The following DNAJC5G variants were observed in gnomAD, a reference collection of about 807,000 sequenced individuals.
The protein encoded by DNAJC5G is dnaJ homolog subfamily C member 5G.
Under a neutral mutation model 19.1 loss-of-function variants are expected in DNAJC5G, and 13 were observed. The observed-to-expected ratio is 0.68, with a 90% CI of 0.44 to 1.08. The LOEUF is 1.08. Among genes scored for constraint, DNAJC5G ranks in the 50% least tolerant of loss-of-function variants. The pLI is 0.00. For missense variants in DNAJC5G, 245 were observed against 230.4 expected, an observed-to-expected ratio of 1.06 and a Z score of -0.41; for synonymous variants, 81 against 84.4, an observed-to-expected ratio of 0.96 and a Z score of 0.22.
intron 5 of DNAJC5G, among the ~76,000 whole-genome samples, chr2:27,278,649 A>G (rs1350264639): frequency 7.2e-6 from 1 of 139,364 alleles, no homozygotes; most frequent in Non-Finnish European, 1.5e-5. Context: ...GCGCCACTGC[A>G]CTCCAGCCTG....
chr2:27,280,373 A>G, intron 6 of DNAJC5G, 56 bp from the exon 7 acceptor site: 1 of 731,732 alleles, frequency 1.4e-6, no homozygotes, highest in Non-Finnish European at 2.3e-6. Flanking sequence ...GTTTGCTTTA[A>G]GTTCTAGGTA....
At chr2:27,277,682 C>T in intron 3 of DNAJC5G, 72 bp from the exon 4 acceptor site, 2 of 1,572,518 alleles carry the variant, frequency 1.3e-6, no homozygotes, top group South Asian at 1.2e-5. Context: ...TCCTTTGTAC[C>T]ACATCTCATG....
chr2:27,275,459 G>A lies in DNAJC5G; in HGVS notation c.-380G>A, dbSNP rs1374847222. ...CCCAGACCCTCAGCGTCGACGCTGC[G>A]CACAAGCGCAGTCAACTGCTGGACC... On this transcript the variant is annotated 5_prime_UTR_variant, in exon 1 of 7. Coordinates refer to ENST00000296097, the MANE Select transcript of DNAJC5G (RefSeq NM_173650.3). 3 of 347,720 alleles carry A rather than the reference G, an allele frequency of 8.6e-6. No individual in the cohort carries two copies. Among genetic ancestry groups the A allele is most frequent in the Non-Finnish European group, 5.7e-6 (1 of 175,724 alleles). 21.5% of individuals were successfully genotyped at this position (347,720 alleles called of 1,614,324 possible).
chr2:27,279,282 T>C (rs910711564), intron 5 of DNAJC5G, among the ~76,000 whole-genome samples: 10 of 151,312 alleles, frequency 6.6e-5, no homozygotes, highest in Admixed American at 5.3e-4. Flanking sequence ...GCAATTTTTG[T>C]TGTTGTTGTT....
At chr2:27,276,918 T>G in intron 3 of DNAJC5G, 77 bp downstream of exon 3, 2 of 969,202 alleles carry the variant, frequency 2.1e-6, no homozygotes, top group Non-Finnish European at 1.5e-6. Flanking sequence ...TTTTGCTATC[T>G]GACTCTTTTT....
rs1310763988 is a variant in DNAJC5G, at chr2:27,276,920, ACT to A, written c.113+82_113+83del. ...CTTTCTGTATCTCTTTTGCTATCTG[ACT>A]CTTTTTTTTTTTTTTTTTTTTTGAG... On this transcript the variant is annotated intron_variant, in intron 3 of 6. Coordinates refer to ENST00000296097, the MANE Select transcript of DNAJC5G (RefSeq NM_173650.3). The A allele has an allele frequency of 2.3e-4, 177 of 783,716 alleles. No individual in the cohort carries two copies. The East Asian group carries it at 5.4e-3, about 24-fold the overall frequency. 48.5% of individuals were successfully genotyped at this position (783,716 alleles called of 1,614,324 possible). A position where few individuals can be genotyped will look rare whatever the true frequency, so the allele number is the denominator to read the frequency against.
rs1178021045 is a variant in DNAJC5G, at chr2:27,275,513, G to C, written c.-326G>C. 6.1e-6 allele frequency: 2 copies of C among 330,232 alleles called. No homozygotes were observed. Among genetic ancestry groups the C allele is most frequent in the Non-Finnish European group, 1.2e-5 (2 of 167,958 alleles). The allele number at this position is 330,232 out of a possible 1,614,324, so 20.5% of individuals were successfully genotyped here. A position where few individuals can be genotyped will look rare whatever the true frequency, so the allele number is the denominator to read the frequency against. ...CCGGTGTGAAGTTTCACACCCAAAAGGATGAAGGGCACCCACCTGGCTTAA... is the reference window on the plus strand; with the variant it reads ...CCGGTGTGAAGTTTCACACCCAAAACGATGAAGGGCACCCACCTGGCTTAA... On this transcript the variant is annotated 5_prime_UTR_variant, in exon 1 of 7. Coordinates refer to ENST00000296097, the MANE Select transcript of DNAJC5G (RefSeq NM_173650.3).
Position 27,277,805 on chromosome 2 carries a change from A to G in DNAJC5G, c.165A>G (p.Lys55=), listed in dbSNP as rs1156542964. The change falls in exon 4 of 7, where the codon AAA becomes AAG. Residue 55 remains lysine, a synonymous_variant. Coordinates refer to ENST00000296097, the MANE Select transcript of DNAJC5G (RefSeq NM_173650.3). ...CTTTTGAGTATCACCTGGGTAGGAA[A>G]CTGGCCTTGCGGTATCATCCCGACA... ...HPPFEYHLGR[K]LALRYHPDKN... is the part of the protein sequence containing the mutation. 3 of 1,613,984 alleles carry G rather than the reference A, an allele frequency of 1.9e-6. No homozygotes were observed. The highest frequency in any genetic ancestry group is 2.5e-6 in the Non-Finnish European group (3 of 1,180,034).
In DNAJC5G at chr2:27,277,929, C is replaced by A. The variant is rs551535393; in HGVS notation, c.289C>A (p.His97Asn). 8.8e-5 allele frequency: 142 copies of A among 1,614,094 alleles called. No individual in the cohort carries two copies. Among genetic ancestry groups the A allele is most frequent in the Non-Finnish European group, 1.2e-4 (139 of 1,180,062 alleles). The change falls in exon 4 of 7, where the codon CAT becomes AAT. Residue 97 changes from histidine (H) to asparagine (N), a missense_variant. Transcript: ENST00000296097. ...TAAGAAGCGGAAAATTTACGACCAGCATGGCTCATTGGGAATATATCTGTA... is the reference window on the plus strand; with the variant it reads ...TAAGAAGCGGAAAATTTACGACCAGAATGGCTCATTGGGAATATATCTGTA... ...DSKKRKIYDQ[H>N]GSLGIYLYDH...
At position 27,281,271 on chromosome 2, in the gene DNAJC5G, CTT is replaced by C. The variant is rs1027899280; in HGVS notation, c.*864_*865del. The C allele has an allele frequency of 2.5e-4, 38 of 152,466 alleles. No individual in the cohort carries two copies. The highest frequency in any genetic ancestry group is 8.2e-4 in the African/African-American group (34 of 41,572). 9.4% of individuals were successfully genotyped at this position (152,466 alleles called of 1,614,324 possible). A position where few individuals can be genotyped will look rare whatever the true frequency, so the allele number is the denominator to read the frequency against. On this transcript the variant is annotated 3_prime_UTR_variant, in exon 7 of 7. Coordinates refer to ENST00000296097, the MANE Select transcript of DNAJC5G (RefSeq NM_173650.3). The stretch of plus-strand genomic sequence containing the variant: ...TGGAAAAGATTGTACTTTCTGGACT[CTT>C]TTCCCACTCTTGCCTCTTTGTGCTG...
At chr2:27,279,613 A>G (rs1243533347) in intron 5 of DNAJC5G, among the ~76,000 whole-genome samples, 2 of 151,884 alleles carry the variant, frequency 1.3e-5, no homozygotes, top group Non-Finnish European at 2.9e-5. Context: ...AATTTTTTCC[A>G]TCTACTCAAA....
In DNAJC5G at chr2:27,280,506, G is replaced by T; in HGVS notation, c.*96G>T. 2.9e-6 allele frequency: 1 copy of T among 341,196 alleles called. No homozygotes were observed. 21.1% of individuals were successfully genotyped at this position (341,196 alleles called of 1,614,324 possible). A position where few individuals can be genotyped will look rare whatever the true frequency, so the allele number is the denominator to read the frequency against. On this transcript the variant is annotated 3_prime_UTR_variant, in exon 7 of 7. Coordinates refer to ENST00000296097, the MANE Select transcript of DNAJC5G (RefSeq NM_173650.3). ...AGAGAGGAGCAAGTAGCCCTGTCCT[G>T]ACATTGACCCTGATTTGACCCCTCT...
At chr2:27,279,748 CAAAAAAA>C (rs936898268) in intron 5 of DNAJC5G, among the ~76,000 whole-genome samples, 7 of 68,866 alleles carry the variant, frequency 1.0e-4, no homozygotes, top group African/African-American at 3.4e-4. Context: ...CCAGTATCTA[CAAAAAAA>C]AAAAAAAAAA....
chr2:27,276,654 T>G, intron 2 of DNAJC5G, 72 bp from the exon 3 acceptor site: 1 of 1,380,348 alleles, frequency 7.2e-7, no homozygotes, highest in Non-Finnish European at 1.0e-6. Context: ...GAGTTTCCTG[T>G]CACTGGAAGT....
chr2:27,277,336 C>T (rs1678144728), intron 3 of DNAJC5G, among the ~76,000 whole-genome samples: 1 of 152,070 alleles, frequency 6.6e-6, no homozygotes, highest in South Asian at 2.1e-4. Flanking sequence ...AGTCTCGGCT[C>T]ACTGCAACCT....
intron 5 of DNAJC5G, among the ~76,000 whole-genome samples, chr2:27,279,395 C>G (rs1239557702): frequency 2.0e-5 from 3 of 151,974 alleles, no homozygotes; most frequent in Non-Finnish European, 4.4e-5. Context: ...ACCTCTGCCT[C>G]CCGGGTTCAA....
intron 3 of DNAJC5G, among the ~76,000 whole-genome samples, chr2:27,277,267 T>TTTGTTTGTTTG (rs377297425): frequency 0.022 from 3,322 of 150,024 alleles, 124 homozygotes; most frequent in African/African-American, 0.078. Flanking sequence ...TGTTTGTTTG[T>TTTGTTTGTTTG]TTGTTTGTTT....
rs151264953 is a variant in DNAJC5G, at chr2:27,276,757, G to C, written c.29G>C (p.Arg10Pro). ...TCTACTGTGAAGGAAGCAGCACACC[G>C]GCTGTCCAAAAGTGAGATGAGCCTC... Reference protein sequence around the residue: MSTVKEAAHRLSKSEMSLYA... With the variant: MSTVKEAAHPLSKSEMSLYA... The change falls in exon 3 of 7, where the codon CGG (arginine) becomes CCG (proline). Residue 10 changes from arginine (R) to proline (P), a missense_variant. Coordinates refer to ENST00000296097, the MANE Select transcript of DNAJC5G (RefSeq NM_173650.3). 2.5e-6 allele frequency: 4 copies of C among 1,613,896 alleles called. No individual in the cohort carries two copies. Among genetic ancestry groups the C allele is most frequent in the South Asian group, 2.2e-5 (2 of 91,070 alleles).
intron 5 of DNAJC5G, 57 bp downstream of exon 5, chr2:27,278,389 A>T (rs1678210790): frequency 1.9e-6 from 3 of 1,603,462 alleles, no homozygotes; most frequent in Non-Finnish European, 2.6e-6. Flanking sequence ...GGAATGAAAG[A>T]AATGATTGGG....
Sources: allele counts gnomAD v4.1 joint callset (sites outside exome capture counted in the v4.1 genomes callset), GRCh38; gene constraint gnomAD v4.1.1; transcripts MANE v1.5; gene names NCBI Gene and HGNC (gene_info 2026-07-23, HGNC 2026-07-21).